Variants in MRPL33 observed in about 807,000 individuals in gnomAD.
MRPL33 encodes the protein mitochondrial ribosomal protein L33.
Under a neutral mutation model 10.1 loss-of-function variants are expected in MRPL33, and 5 were observed. That is an observed-to-expected ratio of 0.49 (90% confidence interval 0.26 to 1.04). MRPL33 has a LOEUF of 1.04. MRPL33 is among the 50% of genes least tolerant of loss of function. MRPL33 has a pLI of 0.14. For missense variants in MRPL33, 79 were observed against 78.1 expected (o/e 1.01, Z -0.04); for synonymous variants, 24 against 27.7 (o/e 0.87, Z 0.42).
chr2:27,773,126 A>G (rs1166884878), intron 2 of MRPL33, among the ~76,000 whole-genome samples: 1 of 152,240 alleles, frequency 6.6e-6, no homozygotes, highest in Non-Finnish European at 1.5e-5. Context: ...GAGTTTTGTA[A>G]TCCTTTGCAT....
chr2:27,777,448 C>T (rs1213904693), intron 3 of MRPL33, among the ~76,000 whole-genome samples: 2 of 150,256 alleles, frequency 1.3e-5, no homozygotes, highest in Non-Finnish European at 3.0e-5. Flanking sequence ...CTCCTATCAC[C>T]AATCCCTCTA....
intron 1 of MRPL33, chr2:27,772,149 A>T (rs1227351291): frequency 6.1e-6 from 2 of 328,268 alleles, no homozygotes; most frequent in Non-Finnish European, 1.1e-5. Context: ...AAAATAAGGA[A>T]ACCGCTCCCG....
chr2:27,776,938 G>A (rs942508951), intron 3 of MRPL33, among the ~76,000 whole-genome samples: 2 of 152,234 alleles, frequency 1.3e-5, no homozygotes, highest in African/African-American at 4.8e-5. Context: ...GAAGAAAGCA[G>A]GATAGAGTAC....
At chr2:27,772,560 T>G in intron 1 of MRPL33, 114 bp from the exon 2 acceptor site, 1 of 798,952 alleles carries the variant, frequency 1.3e-6, no homozygotes, top group Non-Finnish European at 2.0e-6. Flanking sequence ...TCATGGCATA[T>G]TTCATAAGTT....
At chr2:27,771,820 C>T (rs201224846) in intron 1 of MRPL33, 21 bp downstream of exon 1, 57 of 1,612,172 alleles carry the variant, frequency 3.5e-5, no homozygotes, top group Non-Finnish European at 4.8e-5. Context: ...CTGGAGACGC[C>T]GGTAGGGGTT....
chr2:27,772,530 A>G (rs747840442), intron 1 of MRPL33, 144 bp from the exon 2 acceptor site: 4 of 625,682 alleles, frequency 6.4e-6, no homozygotes, highest in East Asian at 2.8e-5. Flanking sequence ...TAGATAGGGA[A>G]TAGTTACTTG....
intron 1 of MRPL33, chr2:27,772,413 A>G (rs1212242081): frequency 1.8e-5 from 7 of 399,644 alleles, no homozygotes; most frequent in East Asian, 4.2e-5. Flanking sequence ...TTTAAAAGGT[A>G]GCCAGTCCAA....
intron 3 of MRPL33, 132 bp from the exon 4 acceptor site, chr2:27,779,300 CA>C: frequency 5.3e-6 from 6 of 1,128,284 alleles, no homozygotes; most frequent in Non-Finnish European, 7.3e-6. Flanking sequence ...GTTTGCAAAT[CA>C]GCTCCATCTT....
chr2:27,772,370 G>A (rs557369812), intron 1 of MRPL33: 1 of 318,518 alleles, frequency 3.1e-6, no homozygotes, highest in African/African-American at 2.2e-5. Context: ...CTTAGAAGAG[G>A]GAAAAAATGG....
At chr2:27,777,408 C>A (rs1677198141) in intron 3 of MRPL33, among the ~76,000 whole-genome samples, 1 of 144,886 alleles carries the variant, frequency 6.9e-6, no homozygotes, top group Non-Finnish European at 1.5e-5. Context: ...AGACCCATCC[C>A]TGTGGTCAGG....
In MRPL33 at chr2:27,774,558, A is replaced by G. The variant is rs369683081; in HGVS notation, c.148+28A>G. On this transcript the variant is annotated intron_variant, in intron 3 of 3. Coordinates refer to ENST00000296102, the MANE Select transcript of MRPL33 (RefSeq NM_004891.4). ...AAGATCTGGGGAGGTTAATGCTTCC[A>G]AGGCCTGTTGCCCCCTTTGTAGGCT... 38 of 1,573,744 alleles carry G rather than the reference A, an allele frequency of 2.4e-5. No individual in the cohort carries two copies. In the African/African-American group the frequency reaches 4.3e-4, roughly 18 times the overall value.
intron 2 of MRPL33, 109 bp from the exon 3 acceptor site, chr2:27,774,315 T>C (rs1677107282): frequency 2.4e-6 from 2 of 843,022 alleles, no homozygotes; most frequent in African/African-American, 1.7e-5. Flanking sequence ...CCAAGTGATA[T>C]CTCACAACTA....
At position 27,774,500 on chromosome 2, in the gene MRPL33, A is replaced by C; in HGVS notation, c.118A>C (p.Lys40Gln). ...FNTKRNRLREKLTLLHYDPVV... is the reference protein window; with the variant it reads ...FNTKRNRLREQLTLLHYDPVV... ...CACCAAGAGAAACCGACTGCGGGAAAAACTGACTCTTTTGCATTATGATCC... is the reference window on the plus strand; with the variant it reads ...CACCAAGAGAAACCGACTGCGGGAACAACTGACTCTTTTGCATTATGATCC... The change falls in exon 3 of 4, where the codon AAA (lysine) becomes CAA (glutamine). Residue 40 changes from lysine to glutamine, a missense_variant. Physicochemically the swap from Lys to Gln is moderately conservative, Grantham distance 53 (BLOSUM62 1). Coordinates refer to ENST00000296102, the MANE Select transcript of MRPL33 (RefSeq NM_004891.4). 1 of 1,614,046 alleles carries C rather than the reference A, an allele frequency of 6.2e-7. No individual in the cohort carries two copies. The highest frequency in any genetic ancestry group is 1.1e-5 in the South Asian group (1 of 91,084).
chr2:27,772,546 C>T (rs1232433780), intron 1 of MRPL33, 128 bp from the exon 2 acceptor site: 5 of 682,180 alleles, frequency 7.3e-6, no homozygotes, highest in Non-Finnish European at 1.2e-5. Context: ...ACTTGAGTGA[C>T]ACCTCATGGC....
chr2:27,779,157 T>C (rs1053784053), intron 3 of MRPL33, among the ~76,000 whole-genome samples: 3 of 152,170 alleles, frequency 2.0e-5, no homozygotes, highest in African/African-American at 7.2e-5. Flanking sequence ...TTGTCCCTAG[T>C]TTTCTTTCTT....
At chr2:27,777,038 A>G (rs1245218150) in intron 3 of MRPL33, among the ~76,000 whole-genome samples, 1 of 152,064 alleles carries the variant, frequency 6.6e-6, no homozygotes, top group Non-Finnish European at 1.5e-5. Flanking sequence ...CTGTTCTTCT[A>G]TGTATTTATT....
rs759007905 is a variant in MRPL33 at position 27,771,728 on chromosome 2, T to G, written c.-50T>G. 3.7e-6 allele frequency: 6 copies of G among 1,611,728 alleles called. No homozygotes were observed. In the African/African-American group the frequency reaches 5.3e-5, roughly 14 times the overall value. On this transcript the variant is annotated 5_prime_UTR_variant, in exon 1 of 4. Coordinates refer to ENST00000296102, the MANE Select transcript of MRPL33 (RefSeq NM_004891.4). ...GCCGTGCCCCGGAAGCAGTTGTTGT[T>G]GGTTGGGGGCCTTTTGGCCGGTGAC...
At chr2:27,775,334 G>A (rs1452209116) in intron 3 of MRPL33, among the ~76,000 whole-genome samples, 4 of 147,856 alleles carry the variant, frequency 2.7e-5, no homozygotes, top group African/African-American at 7.5e-5. Flanking sequence ...TGTTCATTTT[G>A]TGCTCTTTAT....
At chr2:27,774,710 G>A (rs1677116648) in intron 3 of MRPL33, among the ~76,000 whole-genome samples, 180 bp downstream of exon 3, 1 of 152,212 alleles carries the variant, frequency 6.6e-6, no homozygotes, top group Admixed American at 6.5e-5. Flanking sequence ...CAGGACACAA[G>A]ACAAGTCCCT....
Sources: gnomAD v4.1 joint callset for allele counts (sites outside exome capture counted in the v4.1 genomes callset) on GRCh38, gnomAD v4.1.1 for gene constraint, MANE v1.5 for transcripts, NCBI Gene and HGNC (gene_info 2026-07-23, HGNC 2026-07-21) for gene names.